SDK1: variants seen among roughly 807,000 people sequenced by gnomAD.
The protein encoded by SDK1 is protein sidekick-1.
Under a neutral mutation model 245.5 loss-of-function variants are expected in SDK1, and 157 were observed. That is an observed-to-expected ratio of 0.64 (90% CI 0.56 to 0.73). The LOEUF (loss-of-function observed/expected upper bound fraction) is 0.73, where lower values mean the gene tolerates loss of function less well. SDK1 is among the 30% of genes least tolerant of loss of function. SDK1 has a pLI of 0.00. For missense variants in SDK1, 3,583 were observed against 3,002.3 expected, an observed-to-expected ratio of 1.19 and a Z score of -4.52; for synonymous variants, 1,647 against 1,278.5, an observed-to-expected ratio of 1.29 and a Z score of -6.15.
At chr7:3,996,037 G>T (rs1784674198) in intron 14 of SDK1, among the ~76,000 whole-genome samples, 5 of 151,912 alleles carry the variant, frequency 3.3e-5, no homozygotes, top group Admixed American at 2.0e-4. Flanking sequence ...GTTTATAAAG[G>T]TTTAATTTTT....
intron 5 of SDK1, among the ~76,000 whole-genome samples, chr7:3,838,127 A>G (rs559261520): frequency 2.0e-5 from 3 of 152,336 alleles, no homozygotes; most frequent in African/African-American, 7.2e-5. Flanking sequence ...GTTGCATTGC[A>G]TGCATTCATG....
intron 1 of SDK1, among the ~76,000 whole-genome samples, chr7:3,501,780 A>C (rs1440043142): frequency 6.6e-6 from 1 of 152,098 alleles, no homozygotes; most frequent in African/African-American, 2.4e-5. Context: ...GTTATGATGG[A>C]CTATCAGTAT....
intron 13 of SDK1, among the ~76,000 whole-genome samples, chr7:3,986,016 C>A (rs556385763): frequency 2.6e-5 from 4 of 152,164 alleles, no homozygotes; most frequent in Non-Finnish European, 4.4e-5. Context: ...TGCCTGGCAG[C>A]GTTTATGGAG....
At chr7:3,819,764 T>A (rs931648065) in intron 4 of SDK1, among the ~76,000 whole-genome samples, 2 of 152,140 alleles carry the variant, frequency 1.3e-5, no homozygotes, top group African/African-American at 2.4e-5. Context: ...TAATATATCC[T>A]ATGGGAACCC....
chr7:3,817,037 A>G (rs1262947257), intron 4 of SDK1, among the ~76,000 whole-genome samples: 3 of 152,336 alleles, frequency 2.0e-5, no homozygotes, highest in East Asian at 3.9e-4. Context: ...ATTTTACTAA[A>G]CATTTTACTG....
intron 4 of SDK1, among the ~76,000 whole-genome samples, chr7:3,800,006 A>G (rs1779066739): frequency 1.3e-5 from 2 of 152,144 alleles, no homozygotes; most frequent in Admixed American, 6.5e-5. Flanking sequence ...TTAGATTACT[A>G]TGCAGGTTCT....
rs1472300404 is a variant in SDK1 at position 3,987,301 on chromosome 7, A to T, written c.2110A>T (p.Ile704Phe). Reference sequence around the variant, plus strand: ...TGGAAACAGTCCTATTCTTTATTACATCGTGGAGCTCTCTGAAAACAGTAA... The same window carrying T: ...TGGAAACAGTCCTATTCTTTATTACTTCGTGGAGCTCTCTGAAAACAGTAA... Reference protein sequence around the residue: ...FDGNSPILYYIVELSENNSPW... With the variant: ...FDGNSPILYYFVELSENNSPW... The change falls in exon 14 of 45, where the codon ATC becomes TTC. Residue 704 changes from isoleucine (I) to phenylalanine (F), a missense_variant. Physicochemically the swap from Ile to Phe is conservative, Grantham distance 21. Transcript: ENST00000404826. The T allele has an allele frequency of 1.2e-6, 2 of 1,613,882 alleles. No homozygotes were observed. Among genetic ancestry groups the T allele is most frequent in the Middle Eastern group, 3.3e-4 (2 of 6,078 alleles).
At chr7:4,208,046 C>G (rs1276058916) in intron 36 of SDK1, 53 bp from the exon 37 acceptor site, 27 of 1,414,408 alleles carry the variant, frequency 1.9e-5, no homozygotes, top group Non-Finnish European at 2.7e-5. Flanking sequence ...GTGGCCCCCG[C>G]TTACTGGAAG....
chr7:4,063,397 G>T (rs1192394257), intron 19 of SDK1, among the ~76,000 whole-genome samples: 1 of 152,016 alleles, frequency 6.6e-6, no homozygotes, highest in African/African-American at 2.4e-5. Flanking sequence ...AACCAAGGAG[G>T]TGAAAGATCT....
intron 4 of SDK1, among the ~76,000 whole-genome samples, chr7:3,707,442 A>AT (rs1251055999): frequency 6.6e-6 from 1 of 152,188 alleles, no homozygotes; most frequent in Non-Finnish European, 1.5e-5. Context: ...TTTTTAAAAC[A>AT]TTTATCGAGA....
chr7:3,800,458 T>G (rs1294771807), intron 4 of SDK1, among the ~76,000 whole-genome samples: 1 of 152,090 alleles, frequency 6.6e-6, no homozygotes, highest in Non-Finnish European at 1.5e-5. Flanking sequence ...CTTGGCTCAC[T>G]GCAACTTCTG....
In SDK1 at chr7:3,707,712, T is replaced by C. The variant is rs532335968; in HGVS notation, c.713+65607T>C. Among the ~76,000 whole-genome samples the C allele has an allele frequency of 2.6e-5, 4 of 152,322 alleles. No individual in the cohort carries two copies. The South Asian group carries it at 8.3e-4, about 32-fold the overall frequency. The stretch of plus-strand genomic sequence containing the variant: ...TCTCTTAGGTCTAATAGTAAATGTT[T>C]CATGAATCTGTGAGCTCTAGTGTTA... On this transcript the variant is annotated intron_variant, in intron 4 of 44. Transcript: ENST00000404826.
At chr7:3,682,948 G>T (rs867770921) in intron 4 of SDK1, among the ~76,000 whole-genome samples, 8 of 152,080 alleles carry the variant, frequency 5.3e-5, no homozygotes, top group African/African-American at 1.9e-4. Context: ...TGTCCAGGCT[G>T]GTCTGGAACT....
At chr7:4,232,392 C>T (rs372780000) in intron 40 of SDK1, among the ~76,000 whole-genome samples, 857 of 79,396 alleles carry the variant, frequency 0.011, no homozygotes, top group South Asian at 0.013. Context: ...TTCTTTTTTT[C>T]TTTTCTTTTC....
intron 1 of SDK1, among the ~76,000 whole-genome samples, chr7:3,453,147 A>C (rs141888700): frequency 6.6e-6 from 1 of 151,708 alleles, no homozygotes; most frequent in Admixed American, 6.6e-5. Context: ...CCGGTTTTCC[A>C]ACTCTTTCCC....
chr7:3,453,559 G>A (rs1360782768), intron 1 of SDK1, among the ~76,000 whole-genome samples: 1 of 152,168 alleles, frequency 6.6e-6, no homozygotes, highest in Non-Finnish European at 1.5e-5. Flanking sequence ...GTGACTGCAG[G>A]CAGAGATTGC....
intron 1 of SDK1, among the ~76,000 whole-genome samples, chr7:3,328,627 AT>A (rs1478511028): frequency 2.6e-5 from 4 of 151,870 alleles, no homozygotes; most frequent in African/African-American, 7.3e-5. Flanking sequence ...TTTTTTGTGT[AT>A]TTTTTTCATA....
At chr7:4,170,028 T>C (rs1014335603) in intron 32 of SDK1, among the ~76,000 whole-genome samples, 4 of 152,212 alleles carry the variant, frequency 2.6e-5, no homozygotes, top group Non-Finnish European at 5.9e-5. Flanking sequence ...TTGCCTCTCT[T>C]CAGTCTCACA....
chr7:4,017,078 C>A, intron 16 of SDK1, 93 bp from the exon 17 acceptor site: 1 of 1,233,860 alleles, frequency 8.1e-7, no homozygotes, highest in African/African-American at 1.5e-5. Context: ...TATTTACTTC[C>A]ATTTCCCCCT....
Sources: allele counts gnomAD v4.1 joint callset (sites outside exome capture counted in the v4.1 genomes callset), GRCh38; gene constraint gnomAD v4.1.1; transcripts MANE v1.5; gene names NCBI Gene and HGNC (gene_info 2026-07-23, HGNC 2026-07-21).